RAD54B: variants seen among roughly 807,000 people sequenced by gnomAD.
RAD54B encodes DNA repair and recombination protein RAD54B.
A neutral mutation model predicts 95.8 loss-of-function variants in RAD54B; 78 were observed. The ratio of observed to expected loss-of-function variants is 0.81; its 90% confidence interval spans 0.68 to 0.98. The LOEUF is 0.98. RAD54B is among the 50% of genes least tolerant of loss of function. The pLI is 0.00. For missense variants in RAD54B, 957 were observed against 1,056.6 expected, an observed-to-expected ratio of 0.91 and a Z score of 1.31; for synonymous variants, 328 against 354.9, an observed-to-expected ratio of 0.92 and a Z score of 0.85.
chr8:94,450,041 T>C (rs1329075083), intron 3 of RAD54B, among the ~76,000 whole-genome samples: 2 of 152,160 alleles, frequency 1.3e-5, no homozygotes, highest in African/African-American at 4.8e-5. Flanking sequence ...CCAAAAATCA[T>C]AAAACCTAAT....
chr8:94,415,755 A>C (rs1811648093), intron 3 of RAD54B, among the ~76,000 whole-genome samples: 1 of 146,184 alleles, frequency 6.8e-6, no homozygotes, highest in Non-Finnish European at 1.5e-5. Flanking sequence ...CAGCCAAAAA[A>C]CACATGAAAA....
At chr8:94,432,465 T>A in intron 3 of RAD54B, 1 of 1,550,482 alleles carries the variant, frequency 6.4e-7, no homozygotes, top group Middle Eastern at 1.7e-4. Flanking sequence ...CAAGGATCTT[T>A]CCATAACATG....
rs1411924610 is a variant in RAD54B at position 94,445,742 on chromosome 8, G to C, written c.304+12526C>G. Among the ~76,000 whole-genome samples the C allele has an allele frequency of 4.6e-5, 7 of 151,624 alleles. No individual in the cohort carries two copies. The East Asian group carries it at 1.3e-3, about 29-fold the overall frequency. ...GACAGGGCCTCACTATGTTGCCCAGGCTGGTCTTGAACTCCTGGCCTCAAG... is the reference window on the plus strand; with the variant it reads ...GACAGGGCCTCACTATGTTGCCCAGCCTGGTCTTGAACTCCTGGCCTCAAG... On this transcript the variant is annotated intron_variant, in intron 3 of 14. Coordinates refer to ENST00000336148, the MANE Select transcript of RAD54B (RefSeq NM_012415.3).
chr8:94,386,935 G>A lies in RAD54B; in HGVS notation c.1985+49C>T, dbSNP rs145263457. The stretch of plus-strand genomic sequence containing the variant: ...GGGAAGTAGGAAGTAAAGAAATAGT[G>A]CAAACTAAAACTCTATGAGCACTTA... On this transcript the variant is annotated intron_variant, in intron 11 of 14. Coordinates refer to ENST00000336148, the MANE Select transcript of RAD54B (RefSeq NM_012415.3). 1.0e-3 allele frequency: 1,348 copies of A among 1,319,640 alleles called. 10 individuals carry two copies. In the African/African-American group the frequency reaches 0.019, roughly 18 times the overall value. 81.7% of individuals were successfully genotyped at this position (1,319,640 alleles called of 1,614,324 possible).
At chr8:94,439,363 A>G (rs974763800) in intron 3 of RAD54B, among the ~76,000 whole-genome samples, 1 of 152,238 alleles carries the variant, frequency 6.6e-6, no homozygotes, top group Non-Finnish European at 1.5e-5. Context: ...AGTTGGAGTT[A>G]AAAGCATACA....
intron 2 of RAD54B, 107 bp downstream of exon 2, chr8:94,467,298 C>T: frequency 9.9e-7 from 1 of 1,007,364 alleles, no homozygotes; most frequent in Non-Finnish European, 1.4e-6. Flanking sequence ...TTCAGAGATA[C>T]TGAAAATTCC....
intron 3 of RAD54B, among the ~76,000 whole-genome samples, chr8:94,433,075 C>T (rs974682128): frequency 2.6e-5 from 4 of 152,098 alleles, no homozygotes; most frequent in African/African-American, 7.2e-5. Context: ...CAGGCTTCTG[C>T]TCTCCTGGAC....
chr8:94,385,338 C>T (rs1298965845), intron 11 of RAD54B, among the ~76,000 whole-genome samples: 2 of 125,650 alleles, frequency 1.6e-5, no homozygotes, highest in Non-Finnish European at 3.4e-5. Context: ...CTATCCCGCC[C>T]ACCCTTCAGA....
At chr8:94,385,073 G>A (rs567364516) in intron 11 of RAD54B, among the ~76,000 whole-genome samples, 6 of 151,974 alleles carry the variant, frequency 3.9e-5, no homozygotes, top group Non-Finnish European at 8.8e-5. Context: ...ACTGCACTCC[G>A]GCCTGTGCCC....
chr8:94,406,698 C>G (rs1811397118), intron 5 of RAD54B, among the ~76,000 whole-genome samples: 1 of 152,146 alleles, frequency 6.6e-6, no homozygotes, highest in Non-Finnish European at 1.5e-5. Context: ...ATAATCATTA[C>G]TTTATATACT....
intron 3 of RAD54B, among the ~76,000 whole-genome samples, chr8:94,415,258 C>A (rs1212395797): frequency 2.0e-5 from 3 of 148,620 alleles, no homozygotes; most frequent in Non-Finnish European, 4.5e-5. Flanking sequence ...GAAAAACAAG[C>A]AATGGGGAAA....
chr8:94,415,751 A>G (rs1233903541), intron 3 of RAD54B, among the ~76,000 whole-genome samples: 2 of 146,590 alleles, frequency 1.4e-5, no homozygotes, highest in Admixed American at 7.0e-5. Flanking sequence ...TATGCAGCCA[A>G]AAAACACATG....
In RAD54B at chr8:94,458,272, A is replaced by T; in HGVS notation, c.300T>A (p.His100Gln). Reference sequence around the variant, plus strand: ...ATCAATAAAAAGCAGTCTTACCTGTATGAGGTGGATCTAATGTTGCCAGTG... The same window carrying T: ...ATCAATAAAAAGCAGTCTTACCTGTTTGAGGTGGATCTAATGTTGCCAGTG... Reference protein sequence around the residue: ...APTLATLDPPHTVHSAPKEVA... With the variant: ...APTLATLDPPQTVHSAPKEVA... The change falls in exon 3 of 15, where the codon CAT becomes CAA. Residue 100 changes from histidine to glutamine, a missense_variant. Physicochemically the swap from His to Gln is conservative, Grantham distance 24. Coordinates refer to ENST00000336148, the MANE Select transcript of RAD54B (RefSeq NM_012415.3). The T allele has an allele frequency of 6.2e-7, 1 of 1,601,692 alleles. No individual in the cohort carries two copies. The highest frequency in any genetic ancestry group is 8.5e-7 in the Non-Finnish European group (1 of 1,176,026).
In RAD54B at chr8:94,402,545, T is replaced by C. The variant is rs574957064; in HGVS notation, c.944+1532A>G. 3.3e-5 allele frequency among the ~76,000 whole-genome samples: 5 copies of C among 152,048 alleles called. No homozygotes were observed. The East Asian group carries it at 5.8e-4, about 18-fold the overall frequency. Reference sequence around the variant, plus strand: ...CTGGGATTACAGGTGTAAGCCACCATGCCCAGCCTATTTTTCCAATAATTA... The same window carrying C: ...CTGGGATTACAGGTGTAAGCCACCACGCCCAGCCTATTTTTCCAATAATTA... On this transcript the variant is annotated intron_variant, in intron 6 of 14. Transcript: ENST00000336148.
At chr8:94,442,660 C>A (rs1267382830) in intron 3 of RAD54B, among the ~76,000 whole-genome samples, 1 of 148,100 alleles carries the variant, frequency 6.8e-6, no homozygotes, top group Non-Finnish European at 1.5e-5. Context: ...CTATAGTCAA[C>A]AACAATTTAT....
At chr8:94,433,492 T>A (rs1454315817) in intron 3 of RAD54B, among the ~76,000 whole-genome samples, 3 of 152,080 alleles carry the variant, frequency 2.0e-5, no homozygotes, top group Non-Finnish European at 4.4e-5. Context: ...TAATGGCCTA[T>A]ACAGATATAT....
chr8:94,397,826 G>A (rs980704028), intron 8 of RAD54B, among the ~76,000 whole-genome samples: 3 of 151,580 alleles, frequency 2.0e-5, no homozygotes, highest in Non-Finnish European at 4.4e-5. Context: ...CCATCCTTAA[G>A]CAGTAAGAAG....
intron 3 of RAD54B, among the ~76,000 whole-genome samples, chr8:94,455,738 C>T (rs1452680507): frequency 3.3e-5 from 5 of 152,150 alleles, no homozygotes; most frequent in Non-Finnish European, 4.4e-5. Context: ...TCTTTCTTTG[C>T]TTCTTTCTAG....
At position 94,399,513 on chromosome 8, in the gene RAD54B, G is replaced by A. The variant is rs1811217071; in HGVS notation, c.1279C>T (p.Leu427Phe). 6.2e-7 allele frequency: 1 copy of A among 1,613,348 alleles called. No individual in the cohort carries two copies. Among genetic ancestry groups the A allele is most frequent in the African/African-American group, 1.3e-5 (1 of 74,878 alleles). ...CGATGCCCCTCGTCACAGATTAGAA[G>A]ATCAAATTTTATATTCTTAATTTGA... is the stretch of plus-strand genomic sequence containing the variant. ...LDQIKNIKFD[L>F]LICDEGHRLK... Residue 427 changes from leucine to phenylalanine, a missense_variant, in exon 8 of 15, where the codon CTT becomes TTT. Physicochemically the swap from Leu to Phe is conservative, Grantham distance 22 (BLOSUM62 0). Coordinates refer to ENST00000336148, the MANE Select transcript of RAD54B (RefSeq NM_012415.3).
Sources: allele counts gnomAD v4.1 joint callset (sites outside exome capture counted in the v4.1 genomes callset), GRCh38; gene constraint gnomAD v4.1.1; transcripts MANE v1.5; gene names NCBI Gene and HGNC (gene_info 2026-07-23, HGNC 2026-07-21).